Variants in H1-8 observed in about 807,000 individuals in gnomAD.
The protein encoded by H1-8 is histone H1.8.
Under a neutral mutation model 19.5 loss-of-function variants are expected in H1-8, and 13 were observed. The observed-to-expected ratio is 0.67, with a 90% CI of 0.43 to 1.06. The LOEUF is 1.06. H1-8 is among the 50% of genes least tolerant of loss of function. The pLI is 0.00. For synonymous variants in H1-8, 193 were observed against 187.6 expected (o/e 1.03, Z -0.24); for missense variants, 432 against 459.8 (o/e 0.94, Z 0.55).
intron 2 of H1-8, chr3:129,548,241 A>G (rs899294045): frequency 5.3e-6 from 4 of 760,078 alleles, no homozygotes; most frequent in South Asian, 1.2e-4. Flanking sequence ...AACTTCCTGC[A>G]TGTAGCAGCT....
At chr3:129,548,156 A>T (rs2084904340) in intron 2 of H1-8, among the ~76,000 whole-genome samples, 1 of 152,226 alleles carries the variant, frequency 6.6e-6, no homozygotes, top group African/African-American at 2.4e-5. Context: ...CAGGACTGTC[A>T]TCAGCCACCA....
chr3:129,551,065 C>A (rs369716308), intron 4 of H1-8, 42 bp from the exon 5 acceptor site: 2 of 1,549,522 alleles, frequency 1.3e-6, no homozygotes, highest in Non-Finnish European at 1.8e-6. Flanking sequence ...GGATTTCAGC[C>A]CTTCCCAGCT....
chr3:129,547,319 C>A (rs2713617), intron 1 of H1-8, 72 bp from the exon 2 acceptor site: 32 of 1,423,986 alleles, frequency 2.2e-5, no homozygotes, highest in South Asian at 1.0e-4. Context: ...TCACCCACCC[C>A]CCACGGGCCA....
chr3:129,550,256 A>G (rs1295477667), intron 3 of H1-8, among the ~76,000 whole-genome samples: 1 of 152,068 alleles, frequency 6.6e-6, no homozygotes, highest in African/African-American at 2.4e-5. Context: ...TAAAAATATT[A>G]GCTGGCATGG....
At chr3:129,545,917 G>A (rs1222718437) in intron 1 of H1-8, among the ~76,000 whole-genome samples, 3 of 152,080 alleles carry the variant, frequency 2.0e-5, no homozygotes, top group Non-Finnish European at 4.4e-5. Flanking sequence ...TTTTTGTGTG[G>A]ACATGCGTTT....
At chr3:129,547,136 G>T (rs1405260232) in intron 1 of H1-8, among the ~76,000 whole-genome samples, 1 of 152,158 alleles carries the variant, frequency 6.6e-6, no homozygotes, top group Non-Finnish European at 1.5e-5. Context: ...GGTGGAGGTT[G>T]CAGTGAGCTG....
rs1330045045 is a variant in H1-8, at chr3:129,549,371, G to T, written c.742+7G>T. ...GGCAGCAGGAGCAGCCAAGGTAGTT[G>T]TGTGACTTGTAGGGGGTGGTGTGGG... On this transcript the variant is annotated splice_region_variant and intron_variant, in intron 3 of 4. Transcript: ENST00000324382. 1 of 1,574,208 alleles carries T rather than the reference G, an allele frequency of 6.4e-7. No individual in the cohort carries two copies. The highest frequency in any genetic ancestry group is 1.2e-5 in the South Asian group (1 of 85,554).
At chr3:129,548,613 G>A in intron 2 of H1-8, 2 of 667,238 alleles carry the variant, frequency 3.0e-6, no homozygotes, top group Admixed American at 5.2e-5. Flanking sequence ...ACGTGGCTGT[G>A]GTACACGGCT....
At chr3:129,546,122 CAAT>C (rs56301839) in intron 1 of H1-8, among the ~76,000 whole-genome samples, 18,656 of 139,070 alleles carry the variant, frequency 0.13, 2,848 homozygotes, top group East Asian at 0.52. Context: ...ATAACAATAA[CAAT>C]AATAATAATA....
At chr3:129,547,878 T>G (rs1478558466) in intron 2 of H1-8, among the ~76,000 whole-genome samples, 198 bp downstream of exon 2, 1 of 152,232 alleles carries the variant, frequency 6.6e-6, no homozygotes, top group Non-Finnish European at 1.5e-5. Flanking sequence ...AGAGTCACCC[T>G]GTTGGTGTCC....
rs1453271560 is a variant in H1-8 at position 129,548,998 on chromosome 3, C to T, written c.379-3C>T. 1 of 1,600,888 alleles carries T rather than the reference C, an allele frequency of 6.2e-7. No homozygotes were observed. The highest frequency in any genetic ancestry group is 8.5e-7 in the Non-Finnish European group (1 of 1,174,176). On this transcript the variant is annotated splice_polypyrimidine_tract_variant and splice_region_variant and intron_variant, in intron 2 of 4. Transcript: ENST00000324382. ...TTCAGCCCCACCCCGTGTCCTTCTCCAGTTAGTTCCCAAGCACAAGAAGAA... is the reference window on the plus strand; with the variant it reads ...TTCAGCCCCACCCCGTGTCCTTCTCTAGTTAGTTCCCAAGCACAAGAAGAA...
chr3:129,551,101 G>A lies in H1-8; in HGVS notation c.808-6G>A, dbSNP rs76820756. On this transcript the variant is annotated splice_region_variant and splice_polypyrimidine_tract_variant and intron_variant, in intron 4 of 4. Coordinates refer to ENST00000324382, the MANE Select transcript of H1-8 (RefSeq NM_153833.3). ...GTCTCTTTGCTCCTGGTTTGCTTTC[G>A]TATAGGTCAAGAATGGTGCTGCTTC... is the stretch of plus-strand genomic sequence containing the variant. 10,320 of 1,609,916 alleles carry A rather than the reference G, an allele frequency of 6.4e-3. 133 individuals are homozygous for A. The highest frequency in any genetic ancestry group is 0.047 in the African/African-American group (3,494 of 74,736).
intron 1 of H1-8, among the ~76,000 whole-genome samples, chr3:129,544,397 TG>T (rs1045427457): frequency 1.3e-5 from 2 of 151,228 alleles, no homozygotes; most frequent in African/African-American, 4.9e-5. Context: ...AGGCTGGGGC[TG>T]GGGAGTTGGA....
At position 129,551,174 on chromosome 3, in the gene H1-8, G is replaced by C. The variant is rs372556580; in HGVS notation, c.875G>C (p.Gly292Ala). The C allele has an allele frequency of 6.2e-6, 10 of 1,614,128 alleles. No homozygotes were observed. The African/African-American group carries it at 1.2e-4, about 19-fold the overall frequency. ...VVAKAKAPKA[G>A]QGPNTKAAAP... ...GCCAAGGCCAAGGCCCCTAAAGCTG[G>C]GCAGGGGCCAAACACCAAGGCTGCT... Residue 292 changes from glycine (G) to alanine (A), a missense_variant, in exon 5 of 5, where the codon GGG becomes GCG. By Grantham distance (60) the Gly-to-Ala change is moderately conservative. Coordinates refer to ENST00000324382, the MANE Select transcript of H1-8 (RefSeq NM_153833.3).
chr3:129,548,874 C>A, intron 2 of H1-8, 127 bp from the exon 3 acceptor site: 1 of 1,297,640 alleles, frequency 7.7e-7, no homozygotes, highest in Non-Finnish European at 1.0e-6. Flanking sequence ...GTGCCTTCTC[C>A]CTGCCTCTCA....
At position 129,549,092 on chromosome 3, in the gene H1-8, C is replaced by G; in HGVS notation, c.470C>G (p.Pro157Arg). The part of the protein sequence containing the change: ...RRAGEAKGKG[P>R]KKPSEAKEDP... ...GCGGGTGAGGCCAAGGGGAAGGGCC[C>G]CAAGAAACCAAGTGAGGCCAAGGAG... The change falls in exon 3 of 5, where the codon CCC becomes CGC. Residue 157 changes from proline (P) to arginine (R), a missense_variant. Coordinates refer to ENST00000324382, the MANE Select transcript of H1-8 (RefSeq NM_153833.3). 6.2e-7 allele frequency: 1 copy of G among 1,606,078 alleles called. No individual in the cohort carries two copies. Among genetic ancestry groups the G allele is most frequent in the Admixed American group, 1.7e-5 (1 of 58,876 alleles).
chr3:129,547,747 C>T (rs1242470234), intron 2 of H1-8, 67 bp downstream of exon 2: 18 of 1,379,044 alleles, frequency 1.3e-5, no homozygotes, highest in Admixed American at 5.5e-5. Context: ...GTGAGTGCTG[C>T]GGCCTCTACT....
At chr3:129,544,758 A>G (rs1402134095) in intron 1 of H1-8, among the ~76,000 whole-genome samples, 1 of 151,712 alleles carries the variant, frequency 6.6e-6, no homozygotes, top group Admixed American at 6.6e-5. Context: ...CCAAGCGAAG[A>G]CCCTTGGGAA....
In H1-8 at chr3:129,551,188, A is replaced by G; in HGVS notation, c.889A>G (p.Thr297Ala). Reference protein sequence around the residue: ...KAPKAGQGPNTKAAAPAKGSG... With the variant: ...KAPKAGQGPNAKAAAPAKGSG... ...CCCTAAAGCTGGGCAGGGGCCAAAC[A>G]CCAAGGCTGCTGCTCCTGCTAAGGG... Residue 297 changes from threonine (T) to alanine (A), a missense_variant, in exon 5 of 5, where the codon ACC becomes GCC. Thr to Ala is a moderately conservative substitution (Grantham distance 58, BLOSUM62 0). Coordinates refer to ENST00000324382, the MANE Select transcript of H1-8 (RefSeq NM_153833.3). 1 of 1,614,230 alleles carries G rather than the reference A, an allele frequency of 6.2e-7. No individual in the cohort carries two copies. The highest frequency in any genetic ancestry group is 1.1e-5 in the South Asian group (1 of 91,090).
Sources: allele counts gnomAD v4.1 joint callset (sites outside exome capture counted in the v4.1 genomes callset), GRCh38; gene constraint gnomAD v4.1.1; transcripts MANE v1.5; gene names NCBI Gene and HGNC (gene_info 2026-07-23, HGNC 2026-07-21).